NEUROD2: variants seen among roughly 807,000 people sequenced by gnomAD.
NEUROD2 encodes the protein neurogenic differentiation factor 2.
NEUROD2 carries 5 observed loss-of-function variants against 9.3 expected under a neutral mutation model. That is an observed-to-expected ratio of 0.54 (90% confidence interval 0.28 to 1.13). NEUROD2 has a LOEUF of 1.13. Among genes scored for constraint, NEUROD2 ranks in the 50% most tolerant of loss-of-function variants. The pLI, the probability that NEUROD2 is intolerant of heterozygous loss-of-function variation, is 0.10. For synonymous variants in NEUROD2, 277 were observed against 257.3 expected, an observed-to-expected ratio of 1.08 and a Z score of -0.73; for missense variants, 376 against 549.2, an observed-to-expected ratio of 0.68 and a Z score of 3.15.
rs2056766798 is a variant in NEUROD2, at chr17:39,606,063, G to A, written c.537C>T (p.Ser179=). ...YIWALSEILR[S]GKRPDLVSYV... ...AGGACACTAGGTCTGGCCGCTTGCC[G>A]GAGCGCAGGATCTCCGAGAGCGCCC... Residue 179 remains serine (S), a synonymous_variant, in exon 2 of 2, where the codon TCC becomes TCT. Coordinates refer to ENST00000302584, the MANE Select transcript of NEUROD2 (RefSeq NM_006160.4). This position sits in a 1 kb window ranked among gnomAD's most constrained non-coding sequence, Gnocchi z 7.8. 2 of 1,613,928 alleles carry A rather than the reference G, an allele frequency of 1.2e-6. No individual in the cohort carries two copies. Among genetic ancestry groups the A allele is most frequent in the Non-Finnish European group, 8.5e-7 (1 of 1,179,824 alleles).
Position 39,605,962 on chromosome 17 carries a change from C to T in NEUROD2, c.638G>A (p.Arg213His). 1 of 1,613,358 alleles carries T rather than the reference C, an allele frequency of 6.2e-7. No individual in the cohort carries two copies. The highest frequency in any genetic ancestry group is 8.5e-7 in the Non-Finnish European group (1 of 1,179,934). Reference sequence around the variant, plus strand: ...GGCGCCTTGCTCCGTGAGGAAGTTGCGAGAGTTGAGCTGCAGACAGCCGGC... The same window carrying T: ...GGCGCCTTGCTCCGTGAGGAAGTTGTGAGAGTTGAGCTGCAGACAGCCGGC... ...LVAGCLQLNS[R>H]NFLTEQGADG... The change falls in exon 2 of 2, where the codon CGC (arginine) becomes CAC (histidine). Residue 213 changes from arginine (R) to histidine (H), a missense_variant. Physicochemically the swap from Arg to His is conservative, Grantham distance 29 (BLOSUM62 0). Coordinates refer to ENST00000302584, the MANE Select transcript of NEUROD2 (RefSeq NM_006160.4). This position sits in a 1 kb window ranked among gnomAD's most constrained non-coding sequence, Gnocchi z 6.8.
In NEUROD2 at chr17:39,607,743, AG is replaced by A. The variant is rs1269343178; in HGVS notation, c.-22del. 5 of 140,624 alleles carry A rather than the reference AG, an allele frequency of 3.6e-5. No homozygotes were observed. The highest frequency in any genetic ancestry group is 1.4e-4 in the African/African-American group (5 of 34,950). 8.7% of individuals were successfully genotyped at this position (140,624 alleles called of 1,614,324 possible). A position where few individuals can be genotyped will look rare whatever the true frequency, so the allele number is the denominator to read the frequency against. ...GACAACTTACCTCGGAGAGGAGTCA[AG>A]GGGAGAGGGGAGGGGAGGGGGGGAG... On this transcript the variant is annotated 5_prime_UTR_variant, in exon 1 of 2. Coordinates refer to ENST00000302584, the MANE Select transcript of NEUROD2 (RefSeq NM_006160.4).
Position 39,606,191 on chromosome 17 carries a change from G to A in NEUROD2, c.409C>T (p.Leu137=). Residue 137 remains leucine, a synonymous_variant, in exon 2 of 2, where the codon CTG becomes TTG. Transcript: ENST00000302584. This position sits in a 1 kb window ranked among gnomAD's most constrained non-coding sequence, Gnocchi z 7.8. ...NARERNRMHD[L]NAALDNLRKV... is the part of the protein sequence containing the mutation. ...CGCAGGTTGTCCAGGGCTGCGTTCAGGTCGTGCATGCGGTTGCGCTCCCGC... is the reference window on the plus strand; with the variant it reads ...CGCAGGTTGTCCAGGGCTGCGTTCAAGTCGTGCATGCGGTTGCGCTCCCGC... 3 of 1,612,882 alleles carry A rather than the reference G, an allele frequency of 1.9e-6. No homozygotes were observed. The highest frequency in any genetic ancestry group is 2.5e-6 in the Non-Finnish European group (3 of 1,179,924).
At chr17:39,607,585 G>A (rs1042501664) in intron 1 of NEUROD2, 143 bp downstream of exon 1, 3 of 984,586 alleles carry the variant, frequency 3.0e-6, no homozygotes, top group Admixed American at 6.2e-5. Flanking sequence ...AAGGGAGAGA[G>A]AACCTGGGGC....
At position 39,606,453 on chromosome 17, in the gene NEUROD2, C is replaced by A; in HGVS notation, c.147G>T (p.Pro49=). Residue 49 remains proline (P), a synonymous_variant, in exon 2 of 2, where the codon CCG becomes CCT. Coordinates refer to ENST00000302584, the MANE Select transcript of NEUROD2 (RefSeq NM_006160.4). This position sits in a 1 kb window ranked among gnomAD's most constrained non-coding sequence, Gnocchi z 7.8. The part of the protein sequence containing the change: ...PPPPAPGPGA[P]GPARAAKPVP... ...CTGGCTTGGCCGCCCGGGCTGGCCCCGGAGCCCCTGGCCCGGGCGCAGGCG... is the reference window on the plus strand; with the variant it reads ...CTGGCTTGGCCGCCCGGGCTGGCCCAGGAGCCCCTGGCCCGGGCGCAGGCG... The A allele has an allele frequency of 1.3e-6, 2 of 1,524,982 alleles. No homozygotes were observed. The highest frequency in any genetic ancestry group is 1.8e-6 in the Non-Finnish European group (2 of 1,141,728). 94.5% of individuals were successfully genotyped at this position (1,524,982 alleles called of 1,614,324 possible). A position where few individuals can be genotyped will look rare whatever the true frequency, so the allele number is the denominator to read the frequency against.
Position 39,605,667 on chromosome 17 carries a change from G to C in NEUROD2, c.933C>G (p.Leu311=), listed in dbSNP as rs537766615. 6.2e-7 allele frequency: 1 copy of C among 1,612,246 alleles called. No individual in the cohort carries two copies. The highest frequency in any genetic ancestry group is 8.5e-7 in the Non-Finnish European group (1 of 1,179,258). ...CGTGGTCGGGCGAGGAGTCCTGCTT[G>C]AGTGAGAAGTTGCCATTGAGACAGA... ...PPLCLNGNFS[L]KQDSSPDHEK... The change falls in exon 2 of 2, where the codon CTC becomes CTG. Residue 311 remains leucine (L), a synonymous_variant. Coordinates refer to ENST00000302584, the MANE Select transcript of NEUROD2 (RefSeq NM_006160.4). The surrounding 1 kb of genome is among the most constrained non-coding windows in gnomAD (Gnocchi z 6.8).
In NEUROD2 at chr17:39,606,014, G is replaced by A; in HGVS notation, c.586C>T (p.Leu196=). 1 of 1,614,060 alleles carries A rather than the reference G, an allele frequency of 6.2e-7. No homozygotes were observed. The highest frequency in any genetic ancestry group is 8.5e-7 in the Non-Finnish European group (1 of 1,179,982). Residue 196 remains leucine, a synonymous_variant, in exon 2 of 2, where the codon CTG becomes TTG. Transcript: ENST00000302584. The surrounding 1 kb of genome is among the most constrained non-coding windows in gnomAD (Gnocchi z 7.8). ...ACCAGATTGGTGGTGGGCTGCGACA[G>A]ACCCTTGCACAGAGTCTGCACGTAG... ...VSYVQTLCKG[L]SQPTTNLVAG...
In NEUROD2 at chr17:39,604,755, CTTTTTTTTTTTTTTTTTTTT is replaced by C. The variant is rs67001366; in HGVS notation, c.*676_*695del. 3 of 22,338 alleles carry C rather than the reference CTTTTTTTTTTTTTTTTTTTT, an allele frequency of 1.3e-4. No individual in the cohort carries two copies. The highest frequency in any genetic ancestry group is 2.0e-4 in the African/African-American group (1 of 4,904). 1.4% of individuals were successfully genotyped at this position (22,338 alleles called of 1,614,324 possible). A position where few individuals can be genotyped will look rare whatever the true frequency, so the allele number is the denominator to read the frequency against. ...GCGTTCGGCTTCCGTCGCCTCTTAG[CTTTTTTTTTTTTTTTTTTTT>C]TTTTTTTTTTTTTTTTTTTTGTATG... On this transcript the variant is annotated 3_prime_UTR_variant, in exon 2 of 2. Coordinates refer to ENST00000302584, the MANE Select transcript of NEUROD2 (RefSeq NM_006160.4).
In NEUROD2 at chr17:39,606,747, C is replaced by T. The variant is rs1219683054; in HGVS notation, c.-5-143G>A. On this transcript the variant is annotated intron_variant, in intron 1 of 1. Transcript: ENST00000302584. This position sits in a 1 kb window ranked among gnomAD's most constrained non-coding sequence, Gnocchi z 7.8. ...CTAGGCTACCCTGGATGCCCACCTC[C>T]GCCGCCTGCCCCGCCCAGAGCCGGC... 2 of 870,376 alleles carry T rather than the reference C, an allele frequency of 2.3e-6. No individual in the cohort carries two copies. The highest frequency in any genetic ancestry group is 1.8e-5 in the African/African-American group (1 of 55,188). The allele number at this position is 870,376 out of a possible 1,614,324, so 53.9% of individuals were successfully genotyped here.
In NEUROD2 at chr17:39,606,498, G is replaced by T. The variant is rs1483406536; in HGVS notation, c.102C>A (p.Gly34=). 2.6e-6 allele frequency: 4 copies of T among 1,548,738 alleles called. No homozygotes were observed. The East Asian group carries it at 7.2e-5, about 28-fold the overall frequency. ...CAGGCGGTGGCGGTGGCGGCGCGTC[G>T]CCCTTGTCGCTCCTCGGCTCGTCGT... ...GEDDEPRSDK[G]DAPPPPPPAP... The change falls in exon 2 of 2, where the codon GGC becomes GGA. Residue 34 remains glycine (G), a synonymous_variant. Coordinates refer to ENST00000302584, the MANE Select transcript of NEUROD2 (RefSeq NM_006160.4). This position sits in a 1 kb window ranked among gnomAD's most constrained non-coding sequence, Gnocchi z 7.8.
Position 39,606,240 on chromosome 17 carries a change from C to T in NEUROD2, c.360G>A (p.Lys120=), listed in dbSNP as rs535868207. The change falls in exon 2 of 2, where the codon AAG becomes AAA. Residue 120 remains lysine (K), a synonymous_variant. Transcript: ENST00000302584. The surrounding 1 kb of genome is among the most constrained non-coding windows in gnomAD (Gnocchi z 7.8). Reference sequence around the variant, plus strand: ...GCGCGTTCGCCTTCTGCCGCCGAAGCTTGGAGCGCTCCAAGCGCGCCTTGG... The same window carrying T: ...GCGCGTTCGCCTTCTGCCGCCGAAGTTTGGAGCGCTCCAAGCGCGCCTTGG... ...KMTKARLERS[K]LRRQKANARE... is the part of the protein sequence containing the mutation. 3.1e-6 allele frequency: 5 copies of T among 1,611,170 alleles called. No individual in the cohort carries two copies. The highest frequency in any genetic ancestry group is 4.2e-6 in the Non-Finnish European group (5 of 1,179,724).
chr17:39,606,971 T>G lies in NEUROD2; in HGVS notation c.-5-367A>C. The G allele has an allele frequency of 1.6e-5, 3 of 193,196 alleles. No individual in the cohort carries two copies. Among genetic ancestry groups the G allele is most frequent in the Non-Finnish European group, 2.1e-5 (2 of 95,768 alleles). The allele number at this position is 193,196 out of a possible 1,614,324, so 12.0% of individuals were successfully genotyped here. A position where few individuals can be genotyped will look rare whatever the true frequency, so the allele number is the denominator to read the frequency against. ...GCGGCGCGCTCGCCCTGAAAGCCCGTTCTCTCCTGGCGGTGGAGAGAGGCT... is the reference window on the plus strand; with the variant it reads ...GCGGCGCGCTCGCCCTGAAAGCCCGGTCTCTCCTGGCGGTGGAGAGAGGCT... On this transcript the variant is annotated intron_variant, in intron 1 of 1. Transcript: ENST00000302584. This position sits in a 1 kb window ranked among gnomAD's most constrained non-coding sequence, Gnocchi z 7.8.
In NEUROD2 at chr17:39,605,703, G is replaced by A; in HGVS notation, c.897C>T (p.Leu299=). ...TGCCATTGAGACAGAGCGGGGGGCT[G>A]AGCGGGCCCTCGTACTCGGAGCTGT... ...DYNSSEYEGP[L]SPPLCLNGNF... The change falls in exon 2 of 2, where the codon CTC becomes CTT. Residue 299 remains leucine, a synonymous_variant. Coordinates refer to ENST00000302584, the MANE Select transcript of NEUROD2 (RefSeq NM_006160.4). The surrounding 1 kb of genome is among the most constrained non-coding windows in gnomAD (Gnocchi z 6.8). 2.5e-6 allele frequency: 4 copies of A among 1,604,632 alleles called. No homozygotes were observed. The highest frequency in any genetic ancestry group is 3.4e-6 in the Non-Finnish European group (4 of 1,176,192).
rs749152104 is a variant in NEUROD2 at position 39,605,544 on chromosome 17, G to A, written c.1056C>T (p.Gly352=). 6 of 1,613,338 alleles carry A rather than the reference G, an allele frequency of 3.7e-6. No individual in the cohort carries two copies. In the East Asian group the frequency reaches 8.9e-5, roughly 24 times the overall value. Residue 352 remains glycine (G), a synonymous_variant, in exon 2 of 2, where the codon GGC becomes GGT. Coordinates refer to ENST00000302584, the MANE Select transcript of NEUROD2 (RefSeq NM_006160.4). The surrounding 1 kb of genome is among the most constrained non-coding windows in gnomAD (Gnocchi z 6.8). Reference sequence around the variant, plus strand: ...AAGACAAGAGATTCTCCGAGTGGACGCCCCCGCGCACAGCCGACGAGCCGA... The same window carrying A: ...AAGACAAGAGATTCTCCGAGTGGACACCCCCGCGCACAGCCGACGAGCCGA... ...LVFGSSAVRG[G]VHSENLLSYD... is the part of the protein sequence containing the mutation.
chr17:39,607,623 G>A (rs944696089), intron 1 of NEUROD2, 105 bp downstream of exon 1: 4 of 985,080 alleles, frequency 4.1e-6, no homozygotes, highest in Non-Finnish European at 4.8e-6. Flanking sequence ...AATGAGGGGG[G>A]CATCATCCCA....
chr17:39,605,410 G>T lies in NEUROD2; in HGVS notation c.*41C>A. On this transcript the variant is annotated 3_prime_UTR_variant, in exon 2 of 2. Transcript: ENST00000302584. The surrounding 1 kb of genome is among the most constrained non-coding windows in gnomAD (Gnocchi z 6.8). ...CTCTGGGGGCTGGGGACAGGGGGGCGGGCAAAGGCAAAAGAAAAAGAAGGG... is the reference window on the plus strand; with the variant it reads ...CTCTGGGGGCTGGGGACAGGGGGGCTGGCAAAGGCAAAAGAAAAAGAAGGG... The T allele has an allele frequency of 6.7e-7, 1 of 1,491,122 alleles. No homozygotes were observed. The allele number at this position is 1,491,122 out of a possible 1,614,324, so 92.4% of individuals were successfully genotyped here.
Position 39,604,218 on chromosome 17 carries a change from G to C in NEUROD2, c.*1233C>G, listed in dbSNP as rs1433685128. On this transcript the variant is annotated 3_prime_UTR_variant, in exon 2 of 2. Coordinates refer to ENST00000302584, the MANE Select transcript of NEUROD2 (RefSeq NM_006160.4). ...GAGGGGACAGAATGGCCGCGGGGAG[G>C]AGGAGCCGGCGAGCTCACCTCCTTC... 1.3e-5 allele frequency: 2 copies of C among 152,662 alleles called. No individual in the cohort carries two copies. 9.5% of individuals were successfully genotyped at this position (152,662 alleles called of 1,614,324 possible).
rs1387175862 is a variant in NEUROD2 at position 39,605,362 on chromosome 17, G to A, written c.*89C>T. On this transcript the variant is annotated 3_prime_UTR_variant, in exon 2 of 2. Coordinates refer to ENST00000302584, the MANE Select transcript of NEUROD2 (RefSeq NM_006160.4). This position sits in a 1 kb window ranked among gnomAD's most constrained non-coding sequence, Gnocchi z 6.8. ...GCCCGCTCCCCGCGCCCGGCGCCGG[G>A]GTAGGATGGGGGTGTCCCTGCGCTC... 21 of 1,432,104 alleles carry A rather than the reference G, an allele frequency of 1.5e-5. No individual in the cohort carries two copies. The highest frequency in any genetic ancestry group is 1.7e-5 in the Non-Finnish European group (19 of 1,087,512). 88.7% of individuals were successfully genotyped at this position (1,432,104 alleles called of 1,614,324 possible).
Position 39,606,623 on chromosome 17 carries a change from C to A in NEUROD2, c.-5-19G>T. 6.5e-7 allele frequency: 1 copy of A among 1,527,080 alleles called. No individual in the cohort carries two copies. Among genetic ancestry groups the A allele is most frequent in the Non-Finnish European group, 8.7e-7 (1 of 1,148,994 alleles). The allele number at this position is 1,527,080 out of a possible 1,614,324, so 94.6% of individuals were successfully genotyped here. A position where few individuals can be genotyped will look rare whatever the true frequency, so the allele number is the denominator to read the frequency against. On this transcript the variant is annotated intron_variant, in intron 1 of 1. Transcript: ENST00000302584. The surrounding 1 kb of genome is among the most constrained non-coding windows in gnomAD (Gnocchi z 7.8). Reference sequence around the variant, plus strand: ...ATGGTGCCTGAGGGCGCCCCGCGGGCGGGAAGGGGAGACAGACAGCACAAA... The same window carrying A: ...ATGGTGCCTGAGGGCGCCCCGCGGGAGGGAAGGGGAGACAGACAGCACAAA...
Sources: allele counts gnomAD v4.1 joint callset, GRCh38; gene constraint gnomAD v4.1.1; non-coding constraint Gnocchi (gnomAD v3.1); transcripts MANE v1.5; gene names NCBI Gene and HGNC (gene_info 2026-07-23, HGNC 2026-07-21).